The following PHF24 variants were observed in gnomAD, a reference collection of about 807,000 sequenced individuals.
PHF24 encodes Galpha inhibitory interacting protein.
A neutral mutation model predicts 42.6 loss-of-function variants in PHF24; 25 were observed. That is an observed-to-expected ratio of 0.59 (90% CI 0.43 to 0.82). PHF24 has a LOEUF of 0.82. Among genes scored for constraint, PHF24 ranks in the 40% least tolerant of loss-of-function variants. PHF24 has a pLI of 0.00. For missense variants in PHF24, 470 were observed against 538.1 expected, an observed-to-expected ratio of 0.87 and a Z score of 1.25; for synonymous variants, 185 against 204.8, an observed-to-expected ratio of 0.90 and a Z score of 0.83.
At chr9:34,750,446 C>T in the PHF24 span, among the ~76,000 whole-genome samples, 1 of 151,322 alleles carries the variant, frequency 6.6e-6, no homozygotes, top group African/African-American at 2.4e-5. Context: ...GCCAAGACTA[C>T]GCCACTGCAC....
the PHF24 span, among the ~76,000 whole-genome samples, chr9:34,859,524 T>C: frequency 6.6e-6 from 1 of 152,232 alleles, no homozygotes; most frequent in Non-Finnish European, 1.5e-5. Context: ...TTTGACTGTT[T>C]TCCAGATCTC....
At chr9:34,854,196 A>ATTTT in the PHF24 span, among the ~76,000 whole-genome samples, 50,348 of 104,422 alleles carry the variant, frequency 0.48, 11,032 homozygotes, top group Non-Finnish European at 0.59. Context: ...CAGTCTATCT[A>ATTTT]TTTTTTTTTT....
the PHF24 span, among the ~76,000 whole-genome samples, chr9:34,890,988 G>T: frequency 3.8e-4 from 58 of 152,260 alleles, no homozygotes; most frequent in African/African-American, 1.4e-3. Flanking sequence ...GGCTCTGATG[G>T]GCTCAATCTG....
chr9:34,666,043 A>T, the PHF24 span: 1 of 312,486 alleles, frequency 3.2e-6, no homozygotes, highest in African/African-American at 2.2e-5. Context: ...CCACCCCGGA[A>T]ACGGACCGTT....
At chr9:34,713,414 T>C in the PHF24 span, among the ~76,000 whole-genome samples, 1 of 152,188 alleles carries the variant, frequency 6.6e-6, no homozygotes, top group African/African-American at 2.4e-5. Context: ...GAATGTGGGC[T>C]GCTATCCCCA....
chr9:34,820,586 T>C, the PHF24 span, among the ~76,000 whole-genome samples: 2 of 152,338 alleles, frequency 1.3e-5, no homozygotes, highest in East Asian at 3.9e-4. Context: ...TATGGCTGCG[T>C]AGTATTCCAT....
chr9:34,732,781 T>C, the PHF24 span, among the ~76,000 whole-genome samples: 1 of 152,232 alleles, frequency 6.6e-6, no homozygotes, highest in African/African-American at 2.4e-5. Context: ...AATAAATTGA[T>C]ATATTTTCTT....
chr9:34,706,983 T>TA, the PHF24 span, among the ~76,000 whole-genome samples: 435 of 139,670 alleles, frequency 3.1e-3, no homozygotes, highest in East Asian at 4.3e-3. Context: ...AAGCAAGCCT[T>TA]AAAAAAAAAA....
chr9:34,818,546 T>A, the PHF24 span, among the ~76,000 whole-genome samples: 1 of 152,164 alleles, frequency 6.6e-6, no homozygotes, highest in Non-Finnish European at 1.5e-5. Context: ...CATGAAAATT[T>A]GTATTTTTTT....
At chr9:34,935,392 G>A in the PHF24 span, among the ~76,000 whole-genome samples, 5 of 152,106 alleles carry the variant, frequency 3.3e-5, no homozygotes, top group Admixed American at 3.3e-4. Context: ...TCAGGAGTTC[G>A]AGGCCAGCCT....
the PHF24 span, among the ~76,000 whole-genome samples, chr9:34,888,498 A>T: frequency 2.0e-5 from 3 of 152,220 alleles, no homozygotes; most frequent in Admixed American, 2.0e-4. Flanking sequence ...ATGAAAGGCA[A>T]TGGAGGTTGG....
the PHF24 span, among the ~76,000 whole-genome samples, chr9:34,871,354 T>C: frequency 6.6e-6 from 1 of 152,222 alleles, no homozygotes; most frequent in African/African-American, 2.4e-5. Flanking sequence ...TTACCAGATG[T>C]GTATTTTGCA....
At chr9:34,951,643 A>T in the PHF24 span, among the ~76,000 whole-genome samples, 1 of 152,202 alleles carries the variant, frequency 6.6e-6, no homozygotes, top group African/African-American at 2.4e-5. Context: ...CCTTGATTTT[A>T]TCCCCCATAG....
At chr9:34,750,523 TAAATA>T in the PHF24 span, among the ~76,000 whole-genome samples, 1 of 149,446 alleles carries the variant, frequency 6.7e-6, no homozygotes, top group Admixed American at 6.7e-5. Flanking sequence ...AATAAATAAA[TAAATA>T]AATAAATAAA....
the PHF24 span, chr9:34,723,253 G>T: frequency 6.4e-7 from 1 of 1,551,670 alleles, no homozygotes; most frequent in Non-Finnish European, 8.7e-7. Flanking sequence ...GCCCTGGTTT[G>T]TTGGCACAAG....
chr9:34,826,018 C>A, the PHF24 span, among the ~76,000 whole-genome samples: 2 of 152,004 alleles, frequency 1.3e-5, no homozygotes, highest in Non-Finnish European at 2.9e-5. Flanking sequence ...TGGCTGTGGA[C>A]CAGGCAAGAA....
chr9:34,864,454 T>C, the PHF24 span, among the ~76,000 whole-genome samples: 1 of 152,146 alleles, frequency 6.6e-6, no homozygotes, highest in South Asian at 2.1e-4. Flanking sequence ...GCAGCAGACT[T>C]TTCAGTGGAA....
chr9:34,738,990 C>G, the PHF24 span, among the ~76,000 whole-genome samples: 303 of 152,280 alleles, frequency 2.0e-3, 1 homozygote, highest in Non-Finnish European at 2.4e-3. Context: ...AGTTTGAGTA[C>G]TGTTTCCGAG....
chr9:34,823,112 C>T, the PHF24 span, among the ~76,000 whole-genome samples: 67 of 139,096 alleles, frequency 4.8e-4, no homozygotes, highest in Non-Finnish European at 9.1e-4. Flanking sequence ...AGGAGAATGG[C>T]GTGAACCCGG....
Sources: gnomAD v4.1 joint callset for allele counts (sites outside exome capture counted in the v4.1 genomes callset) on GRCh38, gnomAD v4.1.1 for gene constraint, MANE v1.5 for transcripts, NCBI Gene and HGNC (gene_info 2026-07-23, HGNC 2026-07-21) for gene names.